TCF4: variants seen among roughly 807,000 people sequenced by gnomAD.
The protein encoded by TCF4 is transcription factor 4.
TCF4 carries 3 observed loss-of-function variants against 82.1 expected under a neutral mutation model. That is an observed-to-expected ratio of 0.04 (90% CI 0.02 to 0.09). TCF4 has a LOEUF of 0.09. Ranked by LOEUF, TCF4 falls within the 10% of genes least tolerant of loss-of-function variation. The pLI, the probability that TCF4 is intolerant of heterozygous loss-of-function variation, is 1.00. For missense variants in TCF4, 518 were observed against 852.7 expected, an observed-to-expected ratio of 0.61 and a Z score of 4.89; for synonymous variants, 276 against 309.6, an observed-to-expected ratio of 0.89 and a Z score of 1.14.
At chr18:55,339,375 A>G (rs770277054) in intron 8 of TCF4, among the ~76,000 whole-genome samples, 3 of 152,224 alleles carry the variant, frequency 2.0e-5, no homozygotes, top group Non-Finnish European at 4.4e-5. Flanking sequence ...TGTACTTGCC[A>G]TAAAAAGCCA....
intron 8 of TCF4, among the ~76,000 whole-genome samples, chr18:55,317,658 C>A (rs747441274): frequency 6.6e-6 from 1 of 152,026 alleles, no homozygotes; most frequent in Non-Finnish European, 1.5e-5. Flanking sequence ...TCTTCATACC[C>A]CAATTTTCAG....
chr18:55,232,431 T>C (rs2048171394), intron 17 of TCF4, 78 bp downstream of exon 17: 3 of 1,536,210 alleles, frequency 2.0e-6, no homozygotes, highest in Non-Finnish European at 1.8e-6. Context: ...AAAAACTGAA[T>C]AGTTTCTTCC....
intron 15 of TCF4, among the ~76,000 whole-genome samples, chr18:55,243,265 A>G (rs2051925060): frequency 1.3e-5 from 2 of 152,218 alleles, no homozygotes; most frequent in Admixed American, 1.3e-4. Flanking sequence ...GTGTTTTCAT[A>G]TTGTCAGACT....
At chr18:55,322,995 C>G (rs187798131) in intron 8 of TCF4, among the ~76,000 whole-genome samples, 344 of 152,274 alleles carry the variant, frequency 2.3e-3, no homozygotes, top group Non-Finnish European at 3.8e-3. Context: ...AACGTGAAAA[C>G]CTTTGTTCAC....
At chr18:55,472,377 G>T (rs575339436) in intron 3 of TCF4, among the ~76,000 whole-genome samples, 1 of 152,274 alleles carries the variant, frequency 6.6e-6, no homozygotes, top group South Asian at 2.1e-4. Flanking sequence ...ATATTTGGAG[G>T]TGTCAACGAT....
chr18:55,546,823 T>G (rs2097211233), intron 3 of TCF4: 1 of 152,208 alleles, frequency 6.6e-6, no homozygotes, highest in South Asian at 2.1e-4. Context: ...CAGACTTACT[T>G]TCAAAAATAG....
At chr18:55,421,148 G>C (rs2094732635) in intron 5 of TCF4, among the ~76,000 whole-genome samples, 1 of 151,812 alleles carries the variant, frequency 6.6e-6, no homozygotes, top group African/African-American at 2.4e-5. Context: ...TTACAGGAGA[G>C]AGGACAGAGC....
At chr18:55,475,544 C>T (rs1248969323) in intron 3 of TCF4, among the ~76,000 whole-genome samples, 1 of 152,140 alleles carries the variant, frequency 6.6e-6, no homozygotes, top group Non-Finnish European at 1.5e-5. Context: ...AACATTCAAA[C>T]TAATTTTTAA....
At chr18:55,262,293 T>G (rs1426597587) in intron 11 of TCF4, among the ~76,000 whole-genome samples, 1 of 152,194 alleles carries the variant, frequency 6.6e-6, no homozygotes, top group Non-Finnish European at 1.5e-5. Context: ...AGTATACAAT[T>G]CAAAGCCAGC....
chr18:55,405,246 C>T (rs529694015), intron 5 of TCF4, among the ~76,000 whole-genome samples: 1 of 152,302 alleles, frequency 6.6e-6, no homozygotes, highest in South Asian at 2.1e-4. Context: ...GCGTGTCCTT[C>T]CTTAAGCTCT....
At chr18:55,446,737 TACTTTGGGAGGCC>T (rs1462503652) in intron 5 of TCF4, among the ~76,000 whole-genome samples, 1 of 151,906 alleles carries the variant, frequency 6.6e-6, no homozygotes, top group Non-Finnish European at 1.5e-5. Context: ...GTAATCCCAG[TACTTTGGGAGGCC>T]GAGGCAGGCG....
intron 2 of TCF4, among the ~76,000 whole-genome samples, chr18:55,601,240 A>G (rs1568485135): frequency 6.6e-6 from 1 of 152,200 alleles, no homozygotes. Context: ...AATTGAGTAG[A>G]TAAATCATAT....
At chr18:55,292,468 C>T (rs1311127136) in intron 8 of TCF4, among the ~76,000 whole-genome samples, 1 of 152,112 alleles carries the variant, frequency 6.6e-6, no homozygotes, top group African/African-American at 2.4e-5. Context: ...CAGTTTTACA[C>T]AACAAAAGGC....
intron 1 of TCF4, among the ~76,000 whole-genome samples, chr18:55,632,611 G>C (rs1019098700): frequency 2.6e-5 from 4 of 152,184 alleles, no homozygotes; most frequent in South Asian, 2.1e-4. Context: ...TTCAAAGAAT[G>C]ATGCTCTTAC....
intron 3 of TCF4, among the ~76,000 whole-genome samples, chr18:55,552,683 C>T (rs925818413): frequency 3.3e-5 from 5 of 152,192 alleles, no homozygotes; most frequent in Admixed American, 2.0e-4. Flanking sequence ...TGCCACTGAA[C>T]GCATGGCTGC....
chr18:55,590,356 A>G (rs575745744), upstream of TCF4, among the ~76,000 whole-genome samples: 15 of 152,270 alleles, frequency 9.9e-5, no homozygotes, highest in African/African-American at 1.9e-4. Flanking sequence ...CCCCCACCCT[A>G]TCTTCTTATA....
At chr18:55,486,209 A>C (rs1333101577) in intron 3 of TCF4, among the ~76,000 whole-genome samples, 1 of 152,256 alleles carries the variant, frequency 6.6e-6, no homozygotes. Flanking sequence ...TTAAGCTACA[A>C]ATGGTAAATA....
At chr18:55,506,585 A>C (rs1054828937) in intron 3 of TCF4, among the ~76,000 whole-genome samples, 2 of 152,098 alleles carry the variant, frequency 1.3e-5, no homozygotes, top group Admixed American at 6.5e-5. Context: ...TACATACCCC[A>C]CACACAAAAA....
At chr18:55,235,342 C>T (rs1200988814) in intron 15 of TCF4, among the ~76,000 whole-genome samples, 1 of 152,128 alleles carries the variant, frequency 6.6e-6, no homozygotes, top group Non-Finnish European at 1.5e-5. Flanking sequence ...AATGCCACCA[C>T]ACCGGAAAAT....
Sources: allele counts gnomAD v4.1 joint callset (sites outside exome capture counted in the v4.1 genomes callset), GRCh38; gene constraint gnomAD v4.1.1; transcripts MANE v1.5; gene names NCBI Gene and HGNC (gene_info 2026-07-23, HGNC 2026-07-21).